Variants in DST observed in about 807,000 individuals in gnomAD.
DST encodes bullous pemphigoid antigen.
Under a neutral mutation model 875.2 loss-of-function variants are expected in DST, and 253 were observed. That is an observed-to-expected ratio of 0.29 (90% CI 0.26 to 0.32). The LOEUF is 0.32. Among genes scored for constraint, DST ranks in the 10% least tolerant of loss-of-function variants. The probability of loss-of-function intolerance (pLI) is 1.00; values close to 1 mark genes in which losing one functional copy is unlikely to be tolerated. For synonymous variants in DST, 3,124 were observed against 3,197.1 expected (o/e 0.98, Z 0.77); for missense variants, 8,287 against 9,111.6 (o/e 0.91, Z 3.68).
chr6:56,750,768 G>C (rs1343389931), intron 4 of DST, among the ~76,000 whole-genome samples: 2 of 152,130 alleles, frequency 1.3e-5, no homozygotes, highest in Non-Finnish European at 2.9e-5. Flanking sequence ...CTAATTCTGT[G>C]TGGTAAAAAC....
rs183092222 is a variant in DST at position 56,880,980 on chromosome 6, T to C, written c.417+19441A>G. Among the ~76,000 whole-genome samples, 375 of 150,118 alleles carry C rather than the reference T, an allele frequency of 2.5e-3. 2 individuals are homozygous for C. The highest frequency in any genetic ancestry group is 8.3e-3 in the African/African-American group (339 of 41,034). ...CTCCTGGCTTAGCCTCCCGAGTAGC[T>C]GGGACTACAGTCGCCCACCACCACG... is the stretch of plus-strand genomic sequence containing the variant. On this transcript the variant is annotated intron_variant, in intron 3 of 103. Coordinates refer to ENST00000680361, the MANE Select transcript of DST (RefSeq NM_001374736.1).
intron 82 of DST, among the ~76,000 whole-genome samples, chr6:56,497,056 C>T (rs1300891808): frequency 6.6e-6 from 1 of 151,970 alleles, no homozygotes; most frequent in Non-Finnish European, 1.5e-5. Context: ...GGAGATACAC[C>T]TAATGCTAAA....
intron 51 of DST, 116 bp from the exon 52 acceptor site, chr6:56,573,180 G>T: frequency 2.2e-6 from 2 of 903,410 alleles, no homozygotes; most frequent in Non-Finnish European, 3.2e-6. Context: ...TGCCTAGGAA[G>T]GTTAACAGTT....
intron 2 of DST, among the ~76,000 whole-genome samples, chr6:56,940,271 A>G (rs1291819461): frequency 6.6e-6 from 1 of 151,610 alleles, no homozygotes; most frequent in Non-Finnish European, 1.5e-5. Context: ...TTTTTATGCA[A>G]TATATTTTTA....
chr6:56,782,582 T>C (rs2099696354), intron 4 of DST, among the ~76,000 whole-genome samples: 1 of 150,454 alleles, frequency 6.6e-6, no homozygotes, highest in Non-Finnish European at 1.5e-5. Context: ...CCCTTTATCA[T>C]TTTTTATTGC....
intron 4 of DST, among the ~76,000 whole-genome samples, chr6:56,745,158 A>G (rs2099568872): frequency 6.6e-6 from 1 of 152,252 alleles, no homozygotes; most frequent in African/African-American, 2.4e-5. Flanking sequence ...TCATTAAGAA[A>G]AAGTTTCCAA....
In DST at chr6:56,916,987, T is replaced by TAAAA. The variant is rs1161421788; in HGVS notation, c.217-16370_217-16367dup. 5.1e-3 allele frequency among the ~76,000 whole-genome samples: 181 copies of TAAAA among 35,530 alleles called. 21 individuals are homozygous for TAAAA. Among genetic ancestry groups the TAAAA allele is most frequent in the African/African-American group, 0.019 (168 of 8,868 alleles). 23.3% of individuals were successfully genotyped at this position (35,530 alleles called of 152,430 possible). On this transcript the variant is annotated intron_variant, in intron 2 of 103. Transcript: ENST00000680361. The stretch of plus-strand genomic sequence containing the variant: ...ACTCGCCATCAAGCCCCAGGCATGC[T>TAAAA]AAAAAAAAAAAAAAAAAAAAAAAAA...
In DST at chr6:56,489,586, A is replaced by G; in HGVS notation, c.20781T>C (p.Leu6927=). 6.2e-7 allele frequency: 1 copy of G among 1,612,478 alleles called. No homozygotes were observed. The highest frequency in any genetic ancestry group is 8.5e-7 in the Non-Finnish European group (1 of 1,179,204). Residue 6927 remains leucine, a synonymous_variant, in exon 86 of 104, where the codon CTT becomes CTC. Coordinates refer to ENST00000680361, the MANE Select transcript of DST (RefSeq NM_001374736.1). ...TTTCTGACTCTTCTAGCCACTCCAT[A>G]AGTTTACTCCAAGCTTCATGGAACT... ...AKQFHEAWSK[L]MEWLEESEKS...
intron 37 of DST, among the ~76,000 whole-genome samples, 162 bp downstream of exon 37, chr6:56,614,194 A>G (rs192682542): frequency 1.3e-5 from 2 of 152,302 alleles, no homozygotes; most frequent in East Asian, 3.9e-4. Context: ...ACTAACTTTG[A>G]TTCTTTGGGC....
chr6:56,461,614 G>C (rs2094333933), intron 102 of DST: 1 of 151,812 alleles, frequency 6.6e-6, no homozygotes, highest in African/African-American at 2.4e-5. Context: ...TTGGTTTTTT[G>C]TTTCATCACG....
At chr6:56,722,261 T>C (rs1226043196) in intron 5 of DST, among the ~76,000 whole-genome samples, 1 of 152,264 alleles carries the variant, frequency 6.6e-6, no homozygotes, top group Non-Finnish European at 1.5e-5. Flanking sequence ...TTAAAGGAGA[T>C]GAATTATCCA....
chr6:56,649,845 C>T (rs1484759506), intron 12 of DST, among the ~76,000 whole-genome samples: 2 of 151,942 alleles, frequency 1.3e-5, no homozygotes, highest in Non-Finnish European at 2.9e-5. Context: ...AACAGTGTGC[C>T]GAGGCAGTGG....
chr6:56,586,554 T>C (rs1363734111), intron 49 of DST, among the ~76,000 whole-genome samples: 2 of 152,120 alleles, frequency 1.3e-5, no homozygotes, highest in South Asian at 2.1e-4. Context: ...TGATCCAATT[T>C]GCCAGTCTGT....
chr6:56,691,459 T>C (rs1209749612), intron 9 of DST, among the ~76,000 whole-genome samples: 3 of 152,212 alleles, frequency 2.0e-5, no homozygotes, highest in Non-Finnish European at 4.4e-5. Context: ...TCTATCATTA[T>C]GCAAATGATC....
At chr6:56,570,885 A>C (rs2097770266) in intron 53 of DST, among the ~76,000 whole-genome samples, 1 of 152,244 alleles carries the variant, frequency 6.6e-6, no homozygotes, top group Non-Finnish European at 1.5e-5. Flanking sequence ...CGGCAGGCAC[A>C]GAACCAGAAG....
chr6:56,606,706 T>C lies in DST; in HGVS notation c.7922A>G (p.Tyr2641Cys), dbSNP rs775163169. 3 of 1,613,582 alleles carry C rather than the reference T, an allele frequency of 1.9e-6. 1 individual carries two copies. The South Asian group carries it at 3.3e-5, about 18-fold the overall frequency. Residue 2641 changes from tyrosine (Y) to cysteine (C), a missense_variant, in exon 40 of 104, where the codon TAC becomes TGC. Physicochemically the swap from Tyr to Cys is radical, Grantham distance 194 (BLOSUM62 -2). This residue lies in a region of DST where 3,138 missense variants were observed against 3,116.6 expected (regional missense o/e 1.01). Transcript: ENST00000680361. ...ATCATTTTCCTCTTGCAGTGTGTCG[T>C]AGTCCTCAGGGTGCAGGCAATCACG... Reference protein sequence around the residue: ...DDRDCLHPEDYDTLQEENDET... With the variant: ...DDRDCLHPEDCDTLQEENDET...
intron 3 of DST, among the ~76,000 whole-genome samples, chr6:56,872,731 G>A (rs1777790332): frequency 6.6e-6 from 1 of 151,814 alleles, no homozygotes; most frequent in Non-Finnish European, 1.5e-5. Flanking sequence ...TTTTGAGTGG[G>A]GGTGTATAGG....
At chr6:56,928,634 T>C (rs974324672) in intron 2 of DST, among the ~76,000 whole-genome samples, 1 of 152,142 alleles carries the variant, frequency 6.6e-6, no homozygotes, top group Non-Finnish European at 1.5e-5. Context: ...GAAAAGAGGA[T>C]ATACAATAAT....
chr6:56,881,164 C>G (rs769177302), intron 3 of DST, among the ~76,000 whole-genome samples: 3 of 151,474 alleles, frequency 2.0e-5, no homozygotes, highest in African/African-American at 7.3e-5. Context: ...TACCATCTTT[C>G]TCAAAGTTAT....
Sources: allele counts gnomAD v4.1 joint callset (sites outside exome capture counted in the v4.1 genomes callset), GRCh38; gene constraint gnomAD v4.1.1; regional missense constraint gnomAD v4.1.1; transcripts MANE v1.5; gene names NCBI Gene and HGNC (gene_info 2026-07-23, HGNC 2026-07-21).